HUS1: variants seen among roughly 807,000 people sequenced by gnomAD.
HUS1 encodes checkpoint protein HUS1.
A neutral mutation model predicts 32.6 loss-of-function variants in HUS1; 31 were observed. The ratio of observed to expected loss-of-function variants is 0.95; its 90% CI spans 0.72 to 1.28. HUS1 has a LOEUF of 1.28. HUS1 is among the 50% of genes most tolerant of loss of function. HUS1 has a pLI of 0.00. For missense variants in HUS1, 340 were observed against 337.7 expected (o/e 1.01, Z -0.05); for synonymous variants, 123 against 116.6 (o/e 1.06, Z -0.36).
chr7:47,974,363 G>A (rs959685587), intron 5 of HUS1, among the ~76,000 whole-genome samples: 2 of 151,526 alleles, frequency 1.3e-5, no homozygotes, highest in Non-Finnish European at 2.9e-5. Flanking sequence ...GCTCCATGGA[G>A]GAGCTTCCAG....
chr7:47,975,297 G>A (rs1166239453), intron 5 of HUS1, among the ~76,000 whole-genome samples: 2 of 138,342 alleles, frequency 1.4e-5, no homozygotes, highest in Non-Finnish European at 3.0e-5. Context: ...CAGCCTGGGC[G>A]ACAGAGTGAG....
At chr7:47,978,650 T>C in intron 2 of HUS1, 39 bp downstream of exon 2, 4 of 1,612,950 alleles carry the variant, frequency 2.5e-6, no homozygotes, top group Middle Eastern at 1.7e-4. Flanking sequence ...CCAGTGACAA[T>C]CTGCAGAGTG....
Position 47,975,595 on chromosome 7 carries a change from A to G in HUS1, c.540+18T>C, listed in dbSNP as rs746307302. On this transcript the variant is annotated intron_variant, in intron 5 of 7. Coordinates refer to ENST00000258774, the MANE Select transcript of HUS1 (RefSeq NM_004507.4). ...ACCAAATACTTCAGAGTTCTTTTCT[A>G]AAGAAGTTGTGACTTACAAGGTGAT... 7.1e-6 allele frequency: 11 copies of G among 1,547,730 alleles called. No individual in the cohort carries two copies. Among genetic ancestry groups the G allele is most frequent in the Non-Finnish European group, 8.0e-6 (9 of 1,120,348 alleles).
chr7:47,974,267 T>A (rs1349439958), intron 5 of HUS1, among the ~76,000 whole-genome samples: 2 of 152,136 alleles, frequency 1.3e-5, no homozygotes, highest in South Asian at 4.1e-4. Context: ...ATGATTAAGA[T>A]GGGGTTTCCT....
chr7:47,978,963 AC>A, intron 1 of HUS1, 147 bp from the exon 2 acceptor site: 2 of 721,988 alleles, frequency 2.8e-6, no homozygotes, highest in Non-Finnish European at 4.6e-6. Flanking sequence ...GTACTTTAAT[AC>A]CCCTGATGTC....
chr7:47,969,595 G>A (rs1467230881), intron 5 of HUS1, among the ~76,000 whole-genome samples: 2 of 152,180 alleles, frequency 1.3e-5, no homozygotes, highest in East Asian at 3.9e-4. Context: ...GTGGAACTCC[G>A]AGAGGACTTG....
intron 5 of HUS1, among the ~76,000 whole-genome samples, chr7:47,970,440 CCA>C (rs1788575482): frequency 6.6e-6 from 1 of 150,784 alleles, no homozygotes; most frequent in South Asian, 2.1e-4. Flanking sequence ...CAAATAGGCA[CCA>C]CAGAGAGAAT....
chr7:47,977,498 T>A (rs1037535993), intron 3 of HUS1, among the ~76,000 whole-genome samples: 2 of 152,230 alleles, frequency 1.3e-5, no homozygotes, highest in Non-Finnish European at 2.9e-5. Flanking sequence ...CTATCTTGCT[T>A]TTCCTTAAGC....
At chr7:47,966,702 T>C (rs529772180) in intron 7 of HUS1, among the ~76,000 whole-genome samples, 19 of 152,248 alleles carry the variant, frequency 1.2e-4, no homozygotes, top group East Asian at 7.7e-4. Flanking sequence ...TCCATGCACA[T>C]CGAGGTTCTC....
chr7:47,973,895 G>C (rs552502423), intron 5 of HUS1, among the ~76,000 whole-genome samples: 1 of 152,098 alleles, frequency 6.6e-6, no homozygotes, highest in Non-Finnish European at 1.5e-5. Context: ...TCTCTCCTGG[G>C]CCTCTCTGAA....
intron 3 of HUS1, among the ~76,000 whole-genome samples, chr7:47,977,488 C>A (rs1353549025): frequency 2.0e-5 from 3 of 152,204 alleles, no homozygotes; most frequent in African/African-American, 7.2e-5. Flanking sequence ...TTATACGTTA[C>A]TATCTTGCTT....
intron 7 of HUS1, among the ~76,000 whole-genome samples, chr7:47,966,509 G>GC (rs1788481352): frequency 6.6e-6 from 1 of 152,092 alleles, no homozygotes; most frequent in Non-Finnish European, 1.5e-5. Context: ...CAGCGCAGGG[G>GC]CCCCCCACAC....
chr7:47,968,293 T>C (rs1314280341), intron 6 of HUS1, among the ~76,000 whole-genome samples: 4 of 152,130 alleles, frequency 2.6e-5, no homozygotes, highest in Non-Finnish European at 5.9e-5. Flanking sequence ...GAAAACATCC[T>C]TTCTACCTCT....
intron 1 of HUS1, 98 bp downstream of exon 1, chr7:47,979,370 G>C: frequency 9.2e-7 from 1 of 1,082,090 alleles, no homozygotes; most frequent in Non-Finnish European, 1.2e-6. Context: ...GGCCCCTTCC[G>C]GCGCCCATCC....
At chr7:47,967,961 T>C in intron 6 of HUS1, 36 bp from the exon 7 acceptor site, 1 of 1,594,054 alleles carries the variant, frequency 6.3e-7, no homozygotes, top group Non-Finnish European at 8.6e-7. Context: ...TACAACATCT[T>C]CCCACGTAAC....
chr7:47,975,783 G>T, intron 4 of HUS1, 96 bp from the exon 5 acceptor site: 1 of 653,216 alleles, frequency 1.5e-6, no homozygotes, highest in Non-Finnish European at 2.6e-6. Context: ...ACACATGCAT[G>T]CTCAAAAACT....
At chr7:47,978,345 A>T in intron 3 of HUS1, 72 bp downstream of exon 3, 1 of 1,303,288 alleles carries the variant, frequency 7.7e-7, no homozygotes, top group Non-Finnish European at 1.1e-6. Context: ...ATTGTTAAAA[A>T]GGCTAGGCTA....
At chr7:47,965,934 C>G (rs1311082807) in intron 7 of HUS1, among the ~76,000 whole-genome samples, 1 of 151,848 alleles carries the variant, frequency 6.6e-6, no homozygotes, top group Non-Finnish European at 1.5e-5. Flanking sequence ...TGCAACCAAG[C>G]AGGGAAGTAA....
chr7:47,970,977 G>T (rs907904431), intron 5 of HUS1, among the ~76,000 whole-genome samples: 1 of 152,150 alleles, frequency 6.6e-6, no homozygotes, highest in Non-Finnish European at 1.5e-5. Context: ...AGAAGTTACA[G>T]CATAAACAGT....
Sources: gnomAD v4.1 joint callset for allele counts (sites outside exome capture counted in the v4.1 genomes callset) on GRCh38, gnomAD v4.1.1 for gene constraint, MANE v1.5 for transcripts, NCBI Gene and HGNC (gene_info 2026-07-23, HGNC 2026-07-21) for gene names.